The following MAPK4 variants were observed in gnomAD, a reference collection of about 807,000 sequenced individuals.
MAPK4 encodes the protein Erk3-related.
MAPK4 carries 22 observed loss-of-function variants against 47.7 expected under a neutral mutation model. The observed-to-expected ratio is 0.46, with a 90% CI of 0.33 to 0.66. The LOEUF (loss-of-function observed/expected upper bound fraction) is 0.66. Among genes scored for constraint, MAPK4 ranks in the 30% least tolerant of loss-of-function variants. MAPK4 has a pLI of 0.02. For synonymous variants in MAPK4, 390 were observed against 365.7 expected (o/e 1.07, Z -0.76); for missense variants, 736 against 831.7 (o/e 0.88, Z 1.42).
At chr18:50,608,819 A>G (rs961101012) in intron 1 of MAPK4, among the ~76,000 whole-genome samples, 1 of 152,156 alleles carries the variant, frequency 6.6e-6, no homozygotes, top group Non-Finnish European at 1.5e-5. Flanking sequence ...AGGTCAGCAG[A>G]TAAACAAGTG....
chr18:50,644,606 C>T (rs2042970719), intron 1 of MAPK4, among the ~76,000 whole-genome samples: 1 of 152,124 alleles, frequency 6.6e-6, no homozygotes, highest in African/African-American at 2.4e-5. Flanking sequence ...AAGCCATTCC[C>T]CGCATCGCCA....
At chr18:50,641,115 C>G (rs1402486567) in intron 1 of MAPK4, among the ~76,000 whole-genome samples, 1 of 152,198 alleles carries the variant, frequency 6.6e-6, no homozygotes, top group African/African-American at 2.4e-5. Context: ...TGAAGCCAGG[C>G]TCCATTCTTT....
rs1393254640 is a variant in MAPK4, at chr18:50,664,235, GGTGAGCTGT to G, written c.278_286del (p.Gly93_Phe96delinsVal). 4 of 1,613,922 alleles carry G rather than the reference GGTGAGCTGT, an allele frequency of 2.5e-6. No homozygotes were observed. The highest frequency in any genetic ancestry group is 3.4e-6 in the Non-Finnish European group (4 of 1,180,026). On this transcript the variant is annotated inframe_deletion, in exon 2 of 6. Coordinates refer to ENST00000400384, the MANE Select transcript of MAPK4 (RefSeq NM_002747.4). The surrounding 1 kb of genome is among the most constrained non-coding windows in gnomAD (Gnocchi z 6.0). The stretch of plus-strand genomic sequence containing the variant: ...CGGTCCCAAGGGCACTGACCTGCAG[GGTGAGCTGT>G]TCAAGTTCAGCGTGGCGTACATCGT...
intron 2 of MAPK4, among the ~76,000 whole-genome samples, chr18:50,687,137 A>G (rs1439179706): frequency 1.3e-5 from 2 of 152,202 alleles, no homozygotes; most frequent in African/African-American, 4.8e-5. Flanking sequence ...CCAATTTTAG[A>G]AAATTTTCAT....
At chr18:50,559,857 C>G (rs2149352822), upstream of MAPK4, among the ~76,000 whole-genome samples, 1 of 151,348 alleles carries the variant, frequency 6.6e-6, no homozygotes, top group East Asian at 2.0e-4. Flanking sequence ...AGCTCGTCTC[C>G]GCGGGACTGG....
intron 2 of MAPK4, among the ~76,000 whole-genome samples, chr18:50,684,898 G>T (rs557110349): frequency 1.3e-4 from 20 of 152,322 alleles, no homozygotes; most frequent in Admixed American, 5.2e-4. Context: ...AGTGTGTTAG[G>T]TGCCCTGCAG....
intron 1 of MAPK4, among the ~76,000 whole-genome samples, chr18:50,590,755 T>C (rs2042429995): frequency 6.6e-6 from 1 of 152,234 alleles, no homozygotes; most frequent in African/African-American, 2.4e-5. Context: ...TGCATTCTGC[T>C]TCGCCAGGGA....
chr18:50,661,272 A>C (rs940070396), intron 1 of MAPK4, among the ~76,000 whole-genome samples: 1 of 152,228 alleles, frequency 6.6e-6, no homozygotes, highest in Admixed American at 6.5e-5. Context: ...GCAGGAGTCA[A>C]GGAGGGAGAG....
chr18:50,572,310 TGTG>T (rs1451188324), intron 1 of MAPK4, among the ~76,000 whole-genome samples: 1 of 152,192 alleles, frequency 6.6e-6, no homozygotes, highest in African/African-American at 2.4e-5. Flanking sequence ...CTGGGTATGT[TGTG>T]GCCTGAATAA....
intron 2 of MAPK4, among the ~76,000 whole-genome samples, chr18:50,680,421 G>C (rs1052016531): frequency 1.3e-5 from 2 of 152,078 alleles, no homozygotes; most frequent in African/African-American, 4.8e-5. Context: ...ATGTTATTGA[G>C]ATATATTAAC....
chr18:50,722,850 C>T (rs1911005211), intron 4 of MAPK4, among the ~76,000 whole-genome samples: 1 of 152,194 alleles, frequency 6.6e-6, no homozygotes, highest in African/African-American at 2.4e-5. Context: ...GCCCACCTGC[C>T]TCTCAATCTC....
At chr18:50,609,439 G>T (rs1598822242) in intron 1 of MAPK4, among the ~76,000 whole-genome samples, 1 of 151,008 alleles carries the variant, frequency 6.6e-6, no homozygotes. Flanking sequence ...TTCTTCTTGG[G>T]CTGGGGAAAC....
At chr18:50,614,272 A>G (rs1183969668) in intron 1 of MAPK4, among the ~76,000 whole-genome samples, 4 of 152,128 alleles carry the variant, frequency 2.6e-5, no homozygotes, top group Non-Finnish European at 5.9e-5. Context: ...AAGACTAAAA[A>G]ATTAAATGTG....
At chr18:50,704,015 G>C (rs1413678668) in intron 2 of MAPK4, among the ~76,000 whole-genome samples, 1 of 152,112 alleles carries the variant, frequency 6.6e-6, no homozygotes, top group South Asian at 2.1e-4. Flanking sequence ...ATTTAGGCTG[G>C]ACCACCAGGA....
chr18:50,673,151 C>T (rs1442742572), intron 2 of MAPK4, among the ~76,000 whole-genome samples: 1 of 152,192 alleles, frequency 6.6e-6, no homozygotes, highest in African/African-American at 2.4e-5. Flanking sequence ...GTGGCAGACA[C>T]CTGTAATCCC....
intron 2 of MAPK4, among the ~76,000 whole-genome samples, chr18:50,709,116 C>A (rs1356664061): frequency 1.1e-4 from 17 of 152,256 alleles, no homozygotes; most frequent in Non-Finnish European, 4.4e-5. Context: ...CACGCCCACC[C>A]CTTCCATGTC....
At chr18:50,638,009 A>G (rs1322119547) in intron 1 of MAPK4, among the ~76,000 whole-genome samples, 2 of 152,240 alleles carry the variant, frequency 1.3e-5, no homozygotes, top group Non-Finnish European at 2.9e-5. Context: ...AAGTCAGTCT[A>G]ACAAGTGGGT....
At chr18:50,666,599 TC>T (rs149607571) in intron 2 of MAPK4, among the ~76,000 whole-genome samples, 2,530 of 152,298 alleles carry the variant, frequency 0.017, 83 homozygotes, top group African/African-American at 0.058. Flanking sequence ...GGAAGCCACT[TC>T]CCTGGTTGAG....
At chr18:50,561,320 T>C (rs2042151535) in intron 1 of MAPK4, among the ~76,000 whole-genome samples, 1 of 152,118 alleles carries the variant, frequency 6.6e-6, no homozygotes, top group Non-Finnish European at 1.5e-5. Flanking sequence ...TACTGGGAGG[T>C]TACTGTGTGC....
Sources: allele counts gnomAD v4.1 joint callset (sites outside exome capture counted in the v4.1 genomes callset), GRCh38; gene constraint gnomAD v4.1.1; non-coding constraint Gnocchi (gnomAD v3.1); transcripts MANE v1.5; gene names NCBI Gene and HGNC (gene_info 2026-07-23, HGNC 2026-07-21).